ZNF623: variants seen among roughly 807,000 people sequenced by gnomAD.
ZNF623 encodes zinc finger protein 623.
A neutral mutation model predicts 24.0 loss-of-function variants in ZNF623; 16 were observed. The observed-to-expected ratio is 0.67, with a 90% confidence interval of 0.45 to 1.01. ZNF623 has a LOEUF of 1.01. Ranked by LOEUF, ZNF623 falls within the 50% of genes least tolerant of loss-of-function variation. The probability of loss-of-function intolerance (pLI) is 0.00; values close to 1 mark genes in which losing one functional copy is unlikely to be tolerated. For missense variants in ZNF623, 566 were observed against 606.5 expected (o/e 0.93, Z 0.70); for synonymous variants, 224 against 219.8 (o/e 1.02, Z -0.17).
intron 1 of ZNF623, among the ~76,000 whole-genome samples, chr8:143,636,879 A>G (rs1814937046): frequency 6.6e-6 from 1 of 152,142 alleles, no homozygotes; most frequent in Non-Finnish European, 1.5e-5. Context: ...CACACAGGCT[A>G]CGTCATGGTC....
At chr8:143,643,818 GT>G (rs1400635140) in intron 1 of ZNF623, among the ~76,000 whole-genome samples, 1 of 152,022 alleles carries the variant, frequency 6.6e-6, no homozygotes. Flanking sequence ...ATGTGTGGCA[GT>G]TTTTTTTCTG....
At chr8:143,647,384 G>A (rs1053198731) in intron 1 of ZNF623, among the ~76,000 whole-genome samples, 3 of 151,976 alleles carry the variant, frequency 2.0e-5, no homozygotes, top group Non-Finnish European at 4.4e-5. Context: ...GGATGGTCTC[G>A]ATCTCCTGAC....
intron 1 of ZNF623, 167 bp from the exon 2 acceptor site, chr8:143,649,731 C>A: frequency 1.3e-6 from 1 of 766,362 alleles, no homozygotes; most frequent in Non-Finnish European, 2.1e-6. Flanking sequence ...TTATGTGGGA[C>A]AGGCTTGGGT....
In ZNF623 at chr8:143,650,210, T is replaced by C; in HGVS notation, c.218T>C (p.Leu73Pro). The C allele has an allele frequency of 5.0e-6, 8 of 1,614,238 alleles. No individual in the cohort carries two copies. Among genetic ancestry groups the C allele is most frequent in the Middle Eastern group, 3.3e-4 (2 of 6,062 alleles). ...NHILNSDLLL[L>P]QRELIEGEAN... is the part of the protein sequence containing the mutation. Reference sequence around the variant, plus strand: ...ATTCTGAACTCAGACCTTCTTCTGCTTCAGAGAGAGCTCATAGAGGGGGAA... The same window carrying C: ...ATTCTGAACTCAGACCTTCTTCTGCCTCAGAGAGAGCTCATAGAGGGGGAA... The change falls in exon 2 of 2, where the codon CTT (leucine) becomes CCT (proline). Residue 73 changes from leucine to proline, a missense_variant. Around this residue, in one of 3 missense-constraint regions of ZNF623, gnomAD observed 313 missense variants for 300.4 expected, o/e 1.04. Transcript: ENST00000526926. The surrounding 1 kb of genome is among the most constrained non-coding windows in gnomAD (Gnocchi z 5.2).
At chr8:143,641,349 A>T (rs1268888388) in intron 1 of ZNF623, among the ~76,000 whole-genome samples, 2 of 152,154 alleles carry the variant, frequency 1.3e-5, no homozygotes, top group Admixed American at 1.3e-4. Context: ...GGGGCTGCAG[A>T]ATGCACGTTG....
At position 143,649,968 on chromosome 8, in the gene ZNF623, G is replaced by C; in HGVS notation, c.-25G>C. 6.2e-7 allele frequency: 1 copy of C among 1,614,152 alleles called. No homozygotes were observed. The highest frequency in any genetic ancestry group is 8.5e-7 in the Non-Finnish European group (1 of 1,179,990). On this transcript the variant is annotated 5_prime_UTR_variant, in exon 2 of 2. Coordinates refer to ENST00000526926, the MANE Select transcript of ZNF623 (RefSeq NM_001261843.2). ...TTTCTGAGGATGAAAACTCACATAG[G>C]ACGACGTCAGACAGACTCACGGTGA...
chr8:143,637,349 T>C (rs1456618416), intron 1 of ZNF623, among the ~76,000 whole-genome samples: 4 of 152,158 alleles, frequency 2.6e-5, no homozygotes, highest in Admixed American at 6.5e-5. Flanking sequence ...GTGTATCCTG[T>C]TAATTTCTTC....
intron 1 of ZNF623, among the ~76,000 whole-genome samples, chr8:143,645,219 G>A (rs1455148756): frequency 2.0e-5 from 3 of 152,034 alleles, no homozygotes; most frequent in Non-Finnish European, 4.4e-5. Flanking sequence ...CAAGGCGGGC[G>A]GATCACAAGG....
chr8:143,649,852 A>G, intron 1 of ZNF623, 46 bp from the exon 2 acceptor site: 1 of 1,577,834 alleles, frequency 6.3e-7, no homozygotes, highest in Non-Finnish European at 8.6e-7. Context: ...GGAGATCCCC[A>G]TCTGTTAAGT....
intron 1 of ZNF623, among the ~76,000 whole-genome samples, chr8:143,648,386 T>C (rs1010514721): frequency 9.2e-5 from 14 of 151,846 alleles, no homozygotes; most frequent in Admixed American, 7.2e-4. Context: ...ACCCCTGATA[T>C]GGTGACGTGG....
At position 143,644,502 on chromosome 8, in the gene ZNF623, A is replaced by G. The variant is rs963173705; in HGVS notation, c.-95-5396A>G. On this transcript the variant is annotated intron_variant, in intron 1 of 1. Coordinates refer to ENST00000526926, the MANE Select transcript of ZNF623 (RefSeq NM_001261843.2). Reference sequence around the variant, plus strand: ...CTCCCACTGCCCAGCAAGAACCCCAAAGAGAAGGTTCTTGAGGCGAGACAG... The same window carrying G: ...CTCCCACTGCCCAGCAAGAACCCCAGAGAGAAGGTTCTTGAGGCGAGACAG... Among the ~76,000 whole-genome samples the G allele has an allele frequency of 9.2e-5, 14 of 152,266 alleles. 1 individual carries two copies. In the South Asian group the frequency reaches 1.2e-3, roughly 14 times the overall value.
In ZNF623 at chr8:143,652,571, A is replaced by G. The variant is rs1307190496; in HGVS notation, c.*1088A>G. On this transcript the variant is annotated 3_prime_UTR_variant, in exon 2 of 2. Transcript: ENST00000526926. ...AAGTTGCAGGCAATATCCTGTGCAC[A>G]TCCACGCCCTCCTGTGTGCCACCTT... 6.0e-6 allele frequency: 1 copy of G among 167,086 alleles called. No homozygotes were observed. The highest frequency in any genetic ancestry group is 6.5e-5 in the Admixed American group (1 of 15,278). The allele number at this position is 167,086 out of a possible 1,614,324, so 10.4% of individuals were successfully genotyped here.
At chr8:143,647,733 G>A (rs1368421579) in intron 1 of ZNF623, among the ~76,000 whole-genome samples, 1 of 152,198 alleles carries the variant, frequency 6.6e-6, no homozygotes, top group African/African-American at 2.4e-5. Flanking sequence ...GAGTAGAAAA[G>A]TGACATCTGA....
At chr8:143,636,240 G>A (rs1814917151) in intron 1 of ZNF623, 95 bp downstream of exon 1, 1 of 152,108 alleles carries the variant, frequency 6.6e-6, no homozygotes, top group Non-Finnish European at 1.5e-5. Flanking sequence ...ACAGTCCGCC[G>A]AGAGGGCCGG....
At chr8:143,647,321 C>T (rs758582505) in intron 1 of ZNF623, among the ~76,000 whole-genome samples, 2 of 152,108 alleles carry the variant, frequency 1.3e-5, no homozygotes, top group Non-Finnish European at 2.9e-5. Context: ...CCGCCACGCC[C>T]GGCTAATTTT....
rs1331574945 is a variant in ZNF623, at chr8:143,649,950, G to T, written c.-43G>T. ...AGGTGACTGAAGCCTGGATTTCTGA[G>T]GATGAAAACTCACATAGGACGACGT... On this transcript the variant is annotated 5_prime_UTR_variant, in exon 2 of 2. In the 5' UTR this introduces an upstream ATG that the reference lacks. Coordinates refer to ENST00000526926, the MANE Select transcript of ZNF623 (RefSeq NM_001261843.2). 1 of 1,614,006 alleles carries T rather than the reference G, an allele frequency of 6.2e-7. No homozygotes were observed. The highest frequency in any genetic ancestry group is 1.3e-5 in the African/African-American group (1 of 75,050).
chr8:143,650,657 C>T lies in ZNF623; in HGVS notation c.665C>T (p.Pro222Leu). 1.9e-6 allele frequency: 3 copies of T among 1,613,788 alleles called. No individual in the cohort carries two copies. Among genetic ancestry groups the T allele is most frequent in the Non-Finnish European group, 8.5e-7 (1 of 1,179,966 alleles). The part of the protein sequence containing the change: ...RHQRIHTGER[P>L]YECNECGKSF... ...CAGAGGATTCACACGGGAGAAAGGC[C>T]CTATGAGTGCAATGAATGTGGGAAA... Residue 222 changes from proline (P) to leucine (L), a missense_variant, in exon 2 of 2, where the codon CCC becomes CTC. Pro to Leu is a moderately conservative substitution (Grantham distance 98, BLOSUM62 -3). Transcript: ENST00000526926. This position sits in a 1 kb window ranked among gnomAD's most constrained non-coding sequence, Gnocchi z 5.2.
chr8:143,642,362 G>A (rs1413864399), intron 1 of ZNF623, among the ~76,000 whole-genome samples: 2 of 152,278 alleles, frequency 1.3e-5, no homozygotes, highest in South Asian at 4.1e-4. Context: ...CACACCAGCT[G>A]TCGGGCAAAG....
Position 143,650,898 on chromosome 8 carries a change from T to C in ZNF623, c.906T>C (p.Thr302=), listed in dbSNP as rs200850284. 6.2e-7 allele frequency: 1 copy of C among 1,614,060 alleles called. No homozygotes were observed. Among genetic ancestry groups the C allele is most frequent in the Non-Finnish European group, 8.5e-7 (1 of 1,180,014 alleles). Residue 302 remains threonine (T), a synonymous_variant, in exon 2 of 2, where the codon ACT becomes ACC. Coordinates refer to ENST00000526926, the MANE Select transcript of ZNF623 (RefSeq NM_001261843.2). The surrounding 1 kb of genome is among the most constrained non-coding windows in gnomAD (Gnocchi z 5.2). ...TCATTCAGCATCAGAGGATCCATAC[T>C]GGGGAGAGGCCTTACGTATGCAATG... The part of the protein sequence containing the change: ...SKLIQHQRIH[T]GERPYVCNEC...
Sources: allele counts gnomAD v4.1 joint callset (sites outside exome capture counted in the v4.1 genomes callset), GRCh38; gene constraint gnomAD v4.1.1; regional missense constraint gnomAD v4.1.1; non-coding constraint Gnocchi (gnomAD v3.1); transcripts MANE v1.5; gene names NCBI Gene and HGNC (gene_info 2026-07-23, HGNC 2026-07-21).